CTTNBP2: variants seen among roughly 807,000 people sequenced by gnomAD.
CTTNBP2 encodes cortactin binding protein 2.
A neutral mutation model predicts 156.9 loss-of-function variants in CTTNBP2; 108 were observed. The observed-to-expected ratio is 0.69, with a 90% CI of 0.59 to 0.81. The LOEUF is 0.81. Among genes scored for constraint, CTTNBP2 ranks in the 30% least tolerant of loss-of-function variants. The pLI, the probability that CTTNBP2 is intolerant of heterozygous loss-of-function variation, is 0.00. For missense variants in CTTNBP2, 1,924 were observed against 2,035.4 expected (o/e 0.95, Z 1.05); for synonymous variants, 767 against 751.8 (o/e 1.02, Z -0.33).
intron 6 of CTTNBP2, among the ~76,000 whole-genome samples, chr7:117,780,998 A>C (rs145518967): frequency 6.6e-6 from 1 of 152,218 alleles, no homozygotes; most frequent in Non-Finnish European, 1.5e-5. Flanking sequence ...TGAGATTTTC[A>C]CTTGAGAAAA....
intron 19 of CTTNBP2, among the ~76,000 whole-genome samples, chr7:117,723,061 G>A (rs2116401779): frequency 6.6e-6 from 1 of 152,246 alleles, no homozygotes; most frequent in East Asian, 1.9e-4. Flanking sequence ...TTGGTGGGCT[G>A]GAGTCTAGTG....
At chr7:117,823,455 AAG>A (rs1404285947) in intron 2 of CTTNBP2, among the ~76,000 whole-genome samples, 2 of 152,220 alleles carry the variant, frequency 1.3e-5, no homozygotes, top group African/African-American at 2.4e-5. Context: ...TTGAAAATAA[AAG>A]AAATATTTTT....
At chr7:117,848,376 C>T (rs562967573) in intron 2 of CTTNBP2, among the ~76,000 whole-genome samples, 1 of 152,230 alleles carries the variant, frequency 6.6e-6, no homozygotes, top group South Asian at 2.1e-4. Flanking sequence ...AGCTACTTTG[C>T]CCAAGCATCC....
intron 2 of CTTNBP2, among the ~76,000 whole-genome samples, chr7:117,842,649 C>T (rs1161303896): frequency 1.3e-5 from 2 of 152,184 alleles, no homozygotes; most frequent in African/African-American, 2.4e-5. Flanking sequence ...GCTCCAGTTT[C>T]ATCTATGGAA....
intron 2 of CTTNBP2, among the ~76,000 whole-genome samples, chr7:117,857,810 A>T (rs960177777): frequency 1.3e-5 from 2 of 152,212 alleles, no homozygotes; most frequent in Non-Finnish European, 2.9e-5. Flanking sequence ...AAACAAAATT[A>T]AAATGACAGT....
At chr7:117,841,278 T>C (rs1210963490) in intron 2 of CTTNBP2, among the ~76,000 whole-genome samples, 4 of 152,204 alleles carry the variant, frequency 2.6e-5, no homozygotes, top group African/African-American at 9.7e-5. Context: ...AATGTATACA[T>C]ATGGGATATG....
Position 117,747,513 on chromosome 7 carries a change from C to A in CTTNBP2, c.3349-1414G>T, listed in dbSNP as rs548391349. On this transcript the variant is annotated intron_variant, in intron 12 of 22. Coordinates refer to ENST00000160373, the MANE Select transcript of CTTNBP2 (RefSeq NM_033427.3). ...TTGGGCCGCACGTGGTGGCTCACGCCTTTAATCCCAGCACTTTGGGAGGCC... is the reference window on the plus strand; with the variant it reads ...TTGGGCCGCACGTGGTGGCTCACGCATTTAATCCCAGCACTTTGGGAGGCC... Among the ~76,000 whole-genome samples, 9 of 152,352 alleles carry A rather than the reference C, an allele frequency of 5.9e-5. No individual in the cohort carries two copies. In the South Asian group the frequency reaches 1.9e-3, roughly 32 times the overall value.
At chr7:117,868,233 G>T (rs879614627) in intron 1 of CTTNBP2, among the ~76,000 whole-genome samples, 1 of 152,186 alleles carries the variant, frequency 6.6e-6, no homozygotes, top group Non-Finnish European at 1.5e-5. Flanking sequence ...ATGCATTAAA[G>T]AATAGTCTTG....
chr7:117,756,852 G>A (rs1020862652), intron 11 of CTTNBP2, among the ~76,000 whole-genome samples: 1 of 152,128 alleles, frequency 6.6e-6, no homozygotes, highest in South Asian at 2.1e-4. Context: ...CCTCCCAAGA[G>A]CTCCCAGCTG....
rs776792493 is a variant in CTTNBP2 at position 117,810,755 on chromosome 7, G to T, written c.414+10C>A. 2 of 1,608,694 alleles carry T rather than the reference G, an allele frequency of 1.2e-6. No homozygotes were observed. The highest frequency in any genetic ancestry group is 1.7e-5 in the Admixed American group (1 of 60,002). On this transcript the variant is annotated intron_variant, in intron 3 of 22. Transcript: ENST00000160373. ...TTGTGGGGAAAATGACCATTTGAAC[G>T]CCTCAATACCTTCTTTTGTCTGCTC...
chr7:117,789,413 G>A (rs932264591), intron 4 of CTTNBP2, among the ~76,000 whole-genome samples: 1 of 152,088 alleles, frequency 6.6e-6, no homozygotes, highest in African/African-American at 2.4e-5. Flanking sequence ...CACTGCCACT[G>A]CTCCACACAT....
At chr7:117,805,401 A>C (rs191946171) in intron 3 of CTTNBP2, among the ~76,000 whole-genome samples, 1 of 152,288 alleles carries the variant, frequency 6.6e-6, no homozygotes, top group East Asian at 1.9e-4. Flanking sequence ...CACAGCAGTT[A>C]AGTATGTGGA....
chr7:117,782,959 A>G lies in CTTNBP2; in HGVS notation c.2275T>C (p.Cys759Arg). Residue 759 changes from cysteine to arginine, a missense_variant and splice_region_variant, in exon 6 of 23, where the codon TGT (cysteine) becomes CGT (arginine). Coordinates refer to ENST00000160373, the MANE Select transcript of CTTNBP2 (RefSeq NM_033427.3). ...TCTGCACTCAGCAGCAATCTCACAC[A>G]GTCTATGGATTTTAATAGAAAGCCA... ...YSAAKNGHTD[C>R]VRLLLSAEAQ... 4 of 1,611,334 alleles carry G rather than the reference A, an allele frequency of 2.5e-6. No individual in the cohort carries two copies. Among genetic ancestry groups the G allele is most frequent in the Non-Finnish European group, 3.4e-6 (4 of 1,178,544 alleles).
chr7:117,747,380 T>C (rs574096597), intron 12 of CTTNBP2, among the ~76,000 whole-genome samples: 7 of 152,286 alleles, frequency 4.6e-5, no homozygotes, highest in African/African-American at 1.2e-4. Flanking sequence ...CAGTCCATCA[T>C]TACAAGGAGG....
intron 2 of CTTNBP2, among the ~76,000 whole-genome samples, chr7:117,857,549 A>ATT (rs894472220): frequency 6.6e-6 from 1 of 152,226 alleles, no homozygotes; most frequent in African/African-American, 2.4e-5. Flanking sequence ...ATGTTTAAAG[A>ATT]TTTTAAAATT....
intron 2 of CTTNBP2, among the ~76,000 whole-genome samples, chr7:117,856,912 G>A (rs180868271): frequency 2.6e-5 from 4 of 152,230 alleles, no homozygotes; most frequent in Non-Finnish European, 4.4e-5. Flanking sequence ...AAGAATACCA[G>A]TAGCAACAGG....
chr7:117,814,342 T>C (rs911218818), intron 2 of CTTNBP2, among the ~76,000 whole-genome samples: 1 of 152,168 alleles, frequency 6.6e-6, no homozygotes, highest in Non-Finnish European at 1.5e-5. Flanking sequence ...CTGAGTCATA[T>C]TGTGACACTG....
chr7:117,724,474 C>T (rs866413157), intron 19 of CTTNBP2, 73 bp downstream of exon 19: 1 of 1,259,416 alleles, frequency 7.9e-7, no homozygotes. Context: ...AAAATGAAAG[C>T]ATATTTGCTT....
chr7:117,743,438 T>C (rs1011716091), intron 14 of CTTNBP2, among the ~76,000 whole-genome samples: 1 of 152,164 alleles, frequency 6.6e-6, no homozygotes, highest in African/African-American at 2.4e-5. Context: ...AGTTCCGTTT[T>C]ATGTTCTTGC....
Sources: gnomAD v4.1 joint callset for allele counts (sites outside exome capture counted in the v4.1 genomes callset) on GRCh38, gnomAD v4.1.1 for gene constraint, MANE v1.5 for transcripts, NCBI Gene and HGNC (gene_info 2026-07-23, HGNC 2026-07-21) for gene names.